Variants in REDIC1 observed in about 807,000 individuals in gnomAD.
The protein encoded by REDIC1 is regulator of DNA class I crossover intermediates 1, also known as HEI10 Interacting Protein 1.
chr12:39,706,344 G>A, the REDIC1 span, among the ~76,000 whole-genome samples: 1 of 151,848 alleles, frequency 6.6e-6, no homozygotes, highest in Non-Finnish European at 1.5e-5. Flanking sequence ...CCCTGTTCAT[G>A]GATTAGAAGA....
chr12:39,871,620 G>T, the REDIC1 span, among the ~76,000 whole-genome samples: 1 of 151,900 alleles, frequency 6.6e-6, no homozygotes, highest in Non-Finnish European at 1.5e-5. Context: ...GTCACGTAGC[G>T]TAACAGTTGT....
chr12:39,718,257 T>C, the REDIC1 span, among the ~76,000 whole-genome samples: 3 of 152,146 alleles, frequency 2.0e-5, no homozygotes, highest in Non-Finnish European at 4.4e-5. Flanking sequence ...TGTGACTCCC[T>C]AATCTAGAGG....
the REDIC1 span, among the ~76,000 whole-genome samples, chr12:39,731,867 A>G: frequency 2.2e-4 from 27 of 122,582 alleles, no homozygotes. Context: ...TTGTTTTATT[A>G]TAAAACACAA....
chr12:39,799,254 C>CT, the REDIC1 span, among the ~76,000 whole-genome samples: 54 of 113,264 alleles, frequency 4.8e-4, no homozygotes, highest in East Asian at 3.9e-3. Context: ...TATGCTTAGC[C>CT]TTTTTTTTTT....
chr12:39,736,959 ATGT>A, the REDIC1 span: 1 of 152,202 alleles, frequency 6.6e-6, no homozygotes, highest in Non-Finnish European at 1.5e-5. Context: ...ATGATAAAAT[ATGT>A]TGTTTTGTGC....
the REDIC1 span, among the ~76,000 whole-genome samples, chr12:39,776,035 A>ATC: frequency 1.3e-5 from 2 of 152,198 alleles, no homozygotes; most frequent in Non-Finnish European, 2.9e-5. Flanking sequence ...GACAGTATTA[A>ATC]TTTGAGAAGA....
the REDIC1 span, among the ~76,000 whole-genome samples, chr12:39,741,757 C>T: frequency 4.6e-5 from 7 of 152,188 alleles, no homozygotes; most frequent in Middle Eastern, 3.4e-3. Flanking sequence ...AGGTTATAGG[C>T]AGGTTTCCAG....
chr12:39,681,848 T>G, the REDIC1 span, among the ~76,000 whole-genome samples: 1 of 152,104 alleles, frequency 6.6e-6, no homozygotes, highest in South Asian at 2.1e-4. Flanking sequence ...CAATCTGTGG[T>G]TTTTTTTCCT....
the REDIC1 span, among the ~76,000 whole-genome samples, chr12:39,712,558 T>TGTATATAA: frequency 7.0e-6 from 1 of 142,354 alleles, no homozygotes; most frequent in African/African-American, 2.6e-5. Context: ...ACGACATATG[T>TGTATATAA]GTATATACGT....
At chr12:39,896,241 T>TATGTATAC in the REDIC1 span, among the ~76,000 whole-genome samples, 1 of 100,982 alleles carries the variant, frequency 9.9e-6, no homozygotes, top group South Asian at 2.9e-4. Context: ...TATGTGTATA[T>TATGTATAC]ATGTATACAT....
the REDIC1 span, among the ~76,000 whole-genome samples, chr12:39,782,658 G>A: frequency 6.6e-6 from 1 of 152,146 alleles, no homozygotes; most frequent in East Asian, 1.9e-4. Flanking sequence ...ACTTGACATT[G>A]GAACTGGGTA....
the REDIC1 span, among the ~76,000 whole-genome samples, chr12:39,738,424 G>A: frequency 6.6e-6 from 1 of 152,186 alleles, no homozygotes; most frequent in Non-Finnish European, 1.5e-5. Context: ...GGTAAACCAA[G>A]GGAGCTGTAT....
chr12:39,785,839 G>T, the REDIC1 span, among the ~76,000 whole-genome samples: 3 of 152,300 alleles, frequency 2.0e-5, no homozygotes, highest in East Asian at 5.8e-4. Context: ...TGCCCTGCTG[G>T]ATTTTGGACT....
the REDIC1 span, among the ~76,000 whole-genome samples, chr12:39,762,958 A>G: frequency 1.3e-5 from 2 of 152,066 alleles, no homozygotes; most frequent in Non-Finnish European, 2.9e-5. Flanking sequence ...TTCAAGAAAG[A>G]GGAGCTTTGC....
At chr12:39,808,955 G>A in the REDIC1 span, among the ~76,000 whole-genome samples, 1,800 of 152,134 alleles carry the variant, frequency 0.012, 35 homozygotes, top group African/African-American at 0.04. Context: ...TTTGTTGTGT[G>A]TGCTTTTTGT....
the REDIC1 span, chr12:39,758,797 T>A: frequency 6.6e-6 from 1 of 151,864 alleles, no homozygotes; most frequent in Non-Finnish European, 1.5e-5. Flanking sequence ...TGTATCTTTT[T>A]TTTTTCTGGT....
chr12:39,683,099 C>T, the REDIC1 span: 3 of 1,609,962 alleles, frequency 1.9e-6, no homozygotes, highest in South Asian at 2.2e-5. Context: ...CTTAGTACAT[C>T]TTTTGAGAAC....
chr12:39,640,043 A>G, the REDIC1 span, among the ~76,000 whole-genome samples: 1 of 150,688 alleles, frequency 6.6e-6, no homozygotes, highest in Non-Finnish European at 1.5e-5. Context: ...TACAAAGCAC[A>G]TCCAGAACTA....
At chr12:39,654,370 G>A in the REDIC1 span, among the ~76,000 whole-genome samples, 4 of 152,084 alleles carry the variant, frequency 2.6e-5, no homozygotes, top group South Asian at 4.2e-4. Flanking sequence ...GGCGGATCAC[G>A]AGGTCAGGAG....
Sources: allele counts gnomAD v4.1 joint callset (sites outside exome capture counted in the v4.1 genomes callset), GRCh38; gene constraint gnomAD v4.1.1; transcripts MANE v1.5; gene names NCBI Gene and HGNC (gene_info 2026-07-23, HGNC 2026-07-21).